NDUFA10: variants seen among roughly 807,000 people sequenced by gnomAD.
NDUFA10 encodes NADH dehydrogenase [ubiquinone] 1 alpha subcomplex subunit 10, mitochondrial.
A neutral mutation model predicts 47.8 loss-of-function variants in NDUFA10; 40 were observed. The observed-to-expected ratio is 0.84, with a 90% CI of 0.65 to 1.09. NDUFA10 has a LOEUF of 1.09. NDUFA10 is among the 50% of genes least tolerant of loss of function. NDUFA10 has a pLI of 0.00. For synonymous variants in NDUFA10, 183 were observed against 172.2 expected, an observed-to-expected ratio of 1.06 and a Z score of -0.49; for missense variants, 413 against 451.1, an observed-to-expected ratio of 0.92 and a Z score of 0.76.
chr2:239,959,827 A>C lies in NDUFA10; in HGVS notation c.*1291T>G. The C allele has an allele frequency of 1.1e-6, 1 of 909,680 alleles. No individual in the cohort carries two copies. The highest frequency in any genetic ancestry group is 1.3e-6 in the Non-Finnish European group (1 of 761,668). The allele number at this position is 909,680 out of a possible 1,614,324, so 56.4% of individuals were successfully genotyped here. A position where few individuals can be genotyped will look rare whatever the true frequency, so the allele number is the denominator to read the frequency against. ...GAAGAAAGGAAGGGAGGGAAGGAGG[A>C]GGAAAGAAGGAGGGAAGGAAGGGGA... On this transcript the variant is annotated 3_prime_UTR_variant, in exon 10 of 10. Coordinates refer to ENST00000252711, the MANE Select transcript of NDUFA10 (RefSeq NM_004544.4).
At position 240,022,495 on chromosome 2, in the gene NDUFA10, T is replaced by C. The variant is rs143874082; in HGVS notation, c.76-155A>G. Among the ~76,000 whole-genome samples the C allele has an allele frequency of 6.0e-4, 92 of 152,338 alleles. 1 individual carries two copies. Among genetic ancestry groups the C allele is most frequent in the African/African-American group, 1.7e-3 (70 of 41,562 alleles). ...CTATTAATTTGTTTAATTATCTGTCTATCCCCCACCACTCTGTCCATGTAA... is the reference window on the plus strand; with the variant it reads ...CTATTAATTTGTTTAATTATCTGTCCATCCCCCACCACTCTGTCCATGTAA... On this transcript the variant is annotated intron_variant, in intron 1 of 9. Coordinates refer to ENST00000252711, the MANE Select transcript of NDUFA10 (RefSeq NM_004544.4).
intron 9 of NDUFA10, among the ~76,000 whole-genome samples, chr2:239,985,032 C>G (rs1250343804): frequency 6.6e-6 from 1 of 152,232 alleles, no homozygotes; most frequent in Non-Finnish European, 1.5e-5. Context: ...GCCCTGACCT[C>G]CATGCCTGCC....
chr2:239,981,206 G>A (rs1321114926), intron 9 of NDUFA10, among the ~76,000 whole-genome samples: 1 of 152,210 alleles, frequency 6.6e-6, no homozygotes, highest in Non-Finnish European at 1.5e-5. Context: ...TTGGCATCCT[G>A]TACTTCATCT....
chr2:239,980,673 T>C (rs1695736430), intron 9 of NDUFA10, among the ~76,000 whole-genome samples: 1 of 152,168 alleles, frequency 6.6e-6, no homozygotes, highest in South Asian at 2.1e-4. Context: ...CTTCTTGATA[T>C]AAAAACCTCT....
chr2:239,919,433 G>C (rs200844406), intron 4 of NDUFA10, among the ~76,000 whole-genome samples: 1 of 151,758 alleles, frequency 6.6e-6, no homozygotes, highest in Middle Eastern at 3.2e-3. Context: ...CTCCTCGAGG[G>C]CAGGGGCATC....
At chr2:239,913,679 C>T (rs1046191349) in intron 4 of NDUFA10, among the ~76,000 whole-genome samples, 10 of 152,234 alleles carry the variant, frequency 6.6e-5, no homozygotes, top group African/African-American at 2.4e-4. Flanking sequence ...GTTGCTGTAA[C>T]ACTACAGGCT....
In NDUFA10 at chr2:239,959,889, G is replaced by A. The variant is rs55998047; in HGVS notation, c.*1229C>T. The A allele has an allele frequency of 2.0e-4, 199 of 985,162 alleles. No homozygotes were observed. Among genetic ancestry groups the A allele is most frequent in the Non-Finnish European group, 2.3e-4 (192 of 829,782 alleles). The allele number at this position is 985,162 out of a possible 1,614,324, so 61.0% of individuals were successfully genotyped here. A position where few individuals can be genotyped will look rare whatever the true frequency, so the allele number is the denominator to read the frequency against. ...GCAGGCGGACGCAAGGAGGGAAGGA[G>A]TGTGCATCTTCTTCGCATGCTCCGC... is the stretch of plus-strand genomic sequence containing the variant. On this transcript the variant is annotated 3_prime_UTR_variant, in exon 10 of 10. Transcript: ENST00000252711.
In NDUFA10 at chr2:240,005,234, C is replaced by A; in HGVS notation, c.866G>T (p.Arg289Leu). The change falls in exon 8 of 10, where the codon CGC becomes CTC. Residue 289 changes from arginine (R) to leucine (L), a missense_variant. By Grantham distance (102) the Arg-to-Leu change is moderately radical (BLOSUM62 -2). Transcript: ENST00000252711. ...DKGPWLKQDNRTLYHLRLLVQ... is the reference protein window; with the variant it reads ...DKGPWLKQDNLTLYHLRLLVQ... ...CAGTAATCGCAGGTGGTATAAAGTG[C>A]GATTGTCCTGCTTGAGCCACGGCCC... is the stretch of plus-strand genomic sequence containing the variant. 1 of 1,613,956 alleles carries A rather than the reference C, an allele frequency of 6.2e-7. No individual in the cohort carries two copies. The highest frequency in any genetic ancestry group is 8.5e-7 in the Non-Finnish European group (1 of 1,179,900).
intron 8 of NDUFA10, among the ~76,000 whole-genome samples, chr2:240,002,838 C>T (rs1280985473): frequency 6.6e-6 from 1 of 152,000 alleles, no homozygotes; most frequent in East Asian, 1.9e-4. Context: ...TAATGCTGTA[C>T]TAAAAACATC....
chr2:239,914,170 C>G (rs921936461), intron 4 of NDUFA10, among the ~76,000 whole-genome samples: 2 of 151,078 alleles, frequency 1.3e-5, no homozygotes, highest in Non-Finnish European at 3.0e-5. Flanking sequence ...TACACACACA[C>G]ACAGAACACA....
chr2:240,012,094 T>C, intron 5 of NDUFA10: 1 of 282,140 alleles, frequency 3.5e-6, no homozygotes, highest in South Asian at 3.7e-5. Context: ...CACTCTCTTC[T>C]TGTCACCTGA....
chr2:239,966,148 C>G (rs1467741991), intron 9 of NDUFA10, among the ~76,000 whole-genome samples: 1 of 152,194 alleles, frequency 6.6e-6, no homozygotes, highest in Non-Finnish European at 1.5e-5. Flanking sequence ...TGTTCCAGGG[C>G]GAGGCCTGGA....
chr2:240,021,444 T>G lies in NDUFA10; in HGVS notation c.245-32A>C, dbSNP rs765303620. The G allele has an allele frequency of 2.5e-6, 4 of 1,590,066 alleles. No homozygotes were observed. The African/African-American group carries it at 4.0e-5, about 16-fold the overall frequency. ...AGAGAAACAGTCGGATGCAGTCTGA[T>G]GCACATCACTCACTCCCCGCAGGGA... On this transcript the variant is annotated intron_variant, in intron 2 of 9. Coordinates refer to ENST00000252711, the MANE Select transcript of NDUFA10 (RefSeq NM_004544.4).
chr2:239,931,500 C>T (rs1422280411), intron 4 of NDUFA10, among the ~76,000 whole-genome samples: 3 of 152,232 alleles, frequency 2.0e-5, no homozygotes, highest in Non-Finnish European at 4.4e-5. Context: ...GGACACCACT[C>T]GCCTCGCCAC....
chr2:239,972,198 T>C (rs1270461492), intron 9 of NDUFA10, among the ~76,000 whole-genome samples: 2 of 152,114 alleles, frequency 1.3e-5, no homozygotes, highest in East Asian at 3.9e-4. Context: ...TGTAAATATA[T>C]TGATAAATAT....
chr2:239,999,349 T>C (rs899223014), intron 8 of NDUFA10, among the ~76,000 whole-genome samples: 4 of 152,146 alleles, frequency 2.6e-5, no homozygotes, highest in Non-Finnish European at 5.9e-5. Flanking sequence ...TTAGATCTCC[T>C]CTCTACCATT....
chr2:240,017,410 A>G (rs955602136), intron 4 of NDUFA10, among the ~76,000 whole-genome samples: 1 of 152,152 alleles, frequency 6.6e-6, no homozygotes, highest in Non-Finnish European at 1.5e-5. Context: ...GCCATTCATC[A>G]AAACAGCTGT....
At chr2:239,995,359 C>T (rs1376191262) in intron 8 of NDUFA10, among the ~76,000 whole-genome samples, 1 of 152,174 alleles carries the variant, frequency 6.6e-6, no homozygotes, top group African/African-American at 2.4e-5. Flanking sequence ...TCGGTACCTG[C>T]AGCCCCATGG....
chr2:239,982,352 T>G, intron 9 of NDUFA10: 1 of 1,293,310 alleles, frequency 7.7e-7, no homozygotes. Context: ...ATTCTTGTCT[T>G]GATTGTATTT....
Sources: allele counts gnomAD v4.1 joint callset (sites outside exome capture counted in the v4.1 genomes callset), GRCh38; gene constraint gnomAD v4.1.1; transcripts MANE v1.5; gene names NCBI Gene and HGNC (gene_info 2026-07-23, HGNC 2026-07-21).